SI: variants seen among roughly 807,000 people sequenced by gnomAD.
SI encodes the protein sucrase-isomaltase.
Under a neutral mutation model 253.3 loss-of-function variants are expected in SI, and 235 were observed. The ratio of observed to expected loss-of-function variants is 0.93; its 90% confidence interval spans 0.83 to 1.03. The LOEUF is 1.03. SI is among the 50% of genes least tolerant of loss of function. The pLI is 0.00. For missense variants in SI, 2,442 were observed against 2,211.1 expected, an observed-to-expected ratio of 1.10 and a Z score of -2.09; for synonymous variants, 819 against 712.0, an observed-to-expected ratio of 1.15 and a Z score of -2.39.
At chr3:165,015,294 T>G in intron 32 of SI, 61 bp from the exon 33 acceptor site, 6 of 1,122,782 alleles carry the variant, frequency 5.3e-6, no homozygotes, top group Non-Finnish European at 8.1e-6. Flanking sequence ...ACTTGGACAG[T>G]GATTATGAAG....
chr3:165,018,436 C>T (rs930823121), intron 28 of SI, among the ~76,000 whole-genome samples: 1 of 150,660 alleles, frequency 6.6e-6, no homozygotes, highest in East Asian at 2.0e-4. Context: ...ATGTGTTTAA[C>T]TTATCTATAA....
intron 16 of SI, among the ~76,000 whole-genome samples, chr3:165,044,873 A>C (rs536776890): frequency 6.6e-6 from 1 of 152,010 alleles, no homozygotes; most frequent in African/African-American, 2.4e-5. Flanking sequence ...GAAATGGATA[A>C]AGTTTATTTT....
intron 31 of SI, among the ~76,000 whole-genome samples, chr3:165,016,407 A>G (rs888213233): frequency 2.6e-5 from 4 of 152,030 alleles, no homozygotes; most frequent in African/African-American, 4.8e-5. Flanking sequence ...AGGATTTATG[A>G]TACTATGAAA....
chr3:165,004,475 A>T (rs1427839521), intron 37 of SI, among the ~76,000 whole-genome samples: 1 of 152,190 alleles, frequency 6.6e-6, no homozygotes, highest in Non-Finnish European at 1.5e-5. Flanking sequence ...AGATATATCA[A>T]AAAGATATCT....
At position 165,033,460 on chromosome 3, in the gene SI, TC is replaced by T; in HGVS notation, c.2516-17del. The T allele has an allele frequency of 6.5e-7, 1 of 1,530,998 alleles. No homozygotes were observed. Among genetic ancestry groups the T allele is most frequent in the South Asian group, 1.3e-5 (1 of 77,356 alleles). 94.8% of individuals were successfully genotyped at this position (1,530,998 alleles called of 1,614,324 possible). On this transcript the variant is annotated splice_polypyrimidine_tract_variant and intron_variant, in intron 22 of 47. Coordinates refer to ENST00000264382, the MANE Select transcript of SI (RefSeq NM_001041.4). ...TGTATTGTATCTGAAATGAAAAATA[TC>T]GTGATCAGTACAAAATGCAATGTTA...
chr3:165,053,710 ACT>A (rs1337616144), intron 13 of SI, among the ~76,000 whole-genome samples: 1 of 151,968 alleles, frequency 6.6e-6, no homozygotes, highest in East Asian at 1.9e-4. Flanking sequence ...GAAATGCAAC[ACT>A]CTCTCTTTCT....
chr3:165,038,451 T>C (rs1439682609), intron 20 of SI, among the ~76,000 whole-genome samples: 1 of 151,692 alleles, frequency 6.6e-6, no homozygotes, highest in Non-Finnish European at 1.5e-5. Context: ...GGCTCACCCC[T>C]GTAATTCCAG....
At chr3:165,019,289 A>C (rs1719189787) in intron 28 of SI, among the ~76,000 whole-genome samples, 1 of 151,976 alleles carries the variant, frequency 6.6e-6, no homozygotes, top group Non-Finnish European at 1.5e-5. Flanking sequence ...AGCTGGAGTA[A>C]AGGTAAACTT....
chr3:164,993,951 G>A (rs1158158516), intron 41 of SI, among the ~76,000 whole-genome samples: 1 of 151,558 alleles, frequency 6.6e-6, no homozygotes, highest in Non-Finnish European at 1.5e-5. Context: ...TGGAAATGTT[G>A]AGAATAGTCA....
the SI span, among the ~76,000 whole-genome samples, chr3:165,088,615 T>A: frequency 2.0e-5 from 3 of 152,050 alleles, no homozygotes; most frequent in African/African-American, 7.2e-5. Context: ...CACTCCAGCC[T>A]GGGCGACAGA....
rs752674174 is a variant in SI, at chr3:165,038,979, GTATGC to G, written c.2301+94_2301+98del. ...GTAATGACAGAAATTCTAAAAATAT[GTATGC>G]TATGTAGTTAAGTTTCTATGGAATT... On this transcript the variant is annotated intron_variant, in intron 20 of 47. Coordinates refer to ENST00000264382, the MANE Select transcript of SI (RefSeq NM_001041.4). 9.9e-4 allele frequency: 685 copies of G among 691,962 alleles called. 1 individual carries two copies. The highest frequency in any genetic ancestry group is 1.9e-3 in the South Asian group (99 of 53,270). The allele number at this position is 691,962 out of a possible 1,614,324, so 42.9% of individuals were successfully genotyped here.
At chr3:164,993,445 T>G (rs941245038) in intron 41 of SI, among the ~76,000 whole-genome samples, 1 of 151,818 alleles carries the variant, frequency 6.6e-6, no homozygotes, top group Non-Finnish European at 1.5e-5. Context: ...ATTCACTTCT[T>G]ATTTTGGTAA....
chr3:165,009,499 TAATG>T (rs1332260699), intron 34 of SI, 104 bp from the exon 35 acceptor site: 1 of 730,106 alleles, frequency 1.4e-6, no homozygotes, highest in African/African-American at 1.8e-5. Context: ...GTATGACTGA[TAATG>T]AAGGAAATTG....
At chr3:165,038,083 C>A in intron 20 of SI, 59 bp from the exon 21 acceptor site, 1 of 1,462,214 alleles carries the variant, frequency 6.8e-7, no homozygotes. Flanking sequence ...AACTCTATTT[C>A]ACAAGAATTA....
chr3:165,080,314 C>T (rs1715262617), upstream of SI, among the ~76,000 whole-genome samples: 1 of 152,098 alleles, frequency 6.6e-6, no homozygotes, highest in Middle Eastern at 3.4e-3. Context: ...TGAATTGAAA[C>T]GATAAGCCTC....
rs979945024 is a variant in SI, at chr3:165,049,172, T to C, written c.1670A>G (p.Asp557Gly). 6.2e-7 allele frequency: 1 copy of C among 1,611,808 alleles called. No individual in the cohort carries two copies. The highest frequency in any genetic ancestry group is 8.5e-7 in the Non-Finnish European group (1 of 1,178,088). Residue 557 changes from aspartate to glycine, a missense_variant, in exon 15 of 48, where the codon GAT becomes GGT. Physicochemically the swap from Asp to Gly is moderately conservative, Grantham distance 94 (BLOSUM62 -1). Transcript: ENST00000264382. ...GCTGTATCCATAGAGGCTATGAACATCATACTGTTTACCCCAGTTCTGCAC... is the reference window on the plus strand; with the variant it reads ...GCTGTATCCATAGAGGCTATGAACACCATACTGTTTACCCCAGTTCTGCAC... Reference protein sequence around the residue: ...DAVQNWGKQYDVHSLYGYSMA... With the variant: ...DAVQNWGKQYGVHSLYGYSMA...
chr3:164,992,290 C>T, intron 42 of SI, 23 bp downstream of exon 42: 1 of 1,612,066 alleles, frequency 6.2e-7, no homozygotes. Flanking sequence ...ATTGTGTAAA[C>T]AAAAATATGT....
chr3:165,029,610 G>A (rs1452439891), intron 25 of SI, among the ~76,000 whole-genome samples: 1 of 143,458 alleles, frequency 7.0e-6, no homozygotes, highest in African/African-American at 2.5e-5. Context: ...ACATATATAT[G>A]TATATATATG....
At chr3:165,001,217 C>T (rs1718242321) in intron 37 of SI, among the ~76,000 whole-genome samples, 1 of 151,254 alleles carries the variant, frequency 6.6e-6, no homozygotes, top group Non-Finnish European at 1.5e-5. Context: ...ACGGTGTTCT[C>T]ATGATTGGAT....
Sources: allele counts gnomAD v4.1 joint callset (sites outside exome capture counted in the v4.1 genomes callset), GRCh38; gene constraint gnomAD v4.1.1; transcripts MANE v1.5; gene names NCBI Gene and HGNC (gene_info 2026-07-23, HGNC 2026-07-21).